Variants in LAG3 observed in about 807,000 individuals in gnomAD.
The protein encoded by LAG3 is lymphocyte activation gene 3 protein.
A neutral mutation model predicts 49.0 loss-of-function variants in LAG3; 29 were observed. That is an observed-to-expected ratio of 0.59 (90% CI 0.44 to 0.81). The LOEUF (loss-of-function observed/expected upper bound fraction) is 0.81. Ranked by LOEUF, LAG3 falls within the 30% of genes least tolerant of loss-of-function variation. The pLI is 0.00. For synonymous variants in LAG3, 320 were observed against 297.3 expected, an observed-to-expected ratio of 1.08 and a Z score of -0.79; for missense variants, 693 against 695.2, an observed-to-expected ratio of 1.00 and a Z score of 0.04.
chr12:6,774,316 G>T (rs1407579305), intron 3 of LAG3, among the ~76,000 whole-genome samples: 2 of 152,212 alleles, frequency 1.3e-5, no homozygotes, highest in Admixed American at 1.3e-4. Flanking sequence ...TAGCTCAGGG[G>T]GTGGGCTTCG....
At chr12:6,776,082 T>A (rs1941905767) in intron 5 of LAG3, among the ~76,000 whole-genome samples, 1 of 152,208 alleles carries the variant, frequency 6.6e-6, no homozygotes, top group Non-Finnish European at 1.5e-5. Flanking sequence ...AGATTAGCCA[T>A]GTCTGCAGCA....
chr12:6,773,238 G>A lies in LAG3; in HGVS notation c.105G>A (p.Gln35=). The A allele has an allele frequency of 6.2e-7, 1 of 1,612,826 alleles. No individual in the cohort carries two copies. Among genetic ancestry groups the A allele is most frequent in the Non-Finnish European group, 8.5e-7 (1 of 1,179,526 alleles). Residue 35 remains glutamine, a synonymous_variant, in exon 2 of 8, where the codon CAG becomes CAA. Transcript: ENST00000203629. The surrounding 1 kb of genome is among the most constrained non-coding windows in gnomAD (Gnocchi z 5.5). ...CTGAGGTCCCGGTGGTGTGGGCCCA[G>A]GAGGGGGCTCCTGCCCAGCTCCCCT... The part of the protein sequence containing the change: ...PGAEVPVVWA[Q]EGAPAQLPCS...
At position 6,775,397 on chromosome 12, in the gene LAG3, G is replaced by A. The variant is rs1054237980; in HGVS notation, c.906G>A (p.Gly302=). ...TCACTGCCAAGTGGACTCCTCCTGG[G>A]GGAGGCCCTGACCTCCTGGTGACTG... ...SFLTAKWTPP[G]GGPDLLVTGD... The change falls in exon 5 of 8, where the codon GGG becomes GGA. Residue 302 remains glycine, a synonymous_variant. Transcript: ENST00000203629. 6.8e-6 allele frequency: 11 copies of A among 1,614,216 alleles called. No individual in the cohort carries two copies. Among genetic ancestry groups the A allele is most frequent in the Middle Eastern group, 1.6e-4 (1 of 6,062 alleles).
Position 6,775,416 on chromosome 12 carries a change from G to A in LAG3, c.925G>A (p.Val309Met). The A allele has an allele frequency of 4.3e-6, 7 of 1,614,214 alleles. No homozygotes were observed. The highest frequency in any genetic ancestry group is 5.9e-6 in the Non-Finnish European group (7 of 1,180,044). Reference sequence around the variant, plus strand: ...TCCTGGGGGAGGCCCTGACCTCCTGGTGACTGGAGACAATGGCGACTTTAC... The same window carrying A: ...TCCTGGGGGAGGCCCTGACCTCCTGATGACTGGAGACAATGGCGACTTTAC... ...TPPGGGPDLL[V>M]TGDNGDFTLR... is the part of the protein sequence containing the mutation. Residue 309 changes from valine (V) to methionine (M), a missense_variant, in exon 5 of 8, where the codon GTG becomes ATG. By Grantham distance (21) the Val-to-Met change is conservative (BLOSUM62 1). Coordinates refer to ENST00000203629, the MANE Select transcript of LAG3 (RefSeq NM_002286.6).
chr12:6,774,402 C>T (rs1017514341), intron 3 of LAG3, among the ~76,000 whole-genome samples, 193 bp from the exon 4 acceptor site: 1 of 152,128 alleles, frequency 6.6e-6, no homozygotes, highest in African/African-American at 2.4e-5. Flanking sequence ...GGAAAGTGGT[C>T]CTGGGGAGTC....
At position 6,773,285 on chromosome 12, in the gene LAG3, A is replaced by G. The variant is rs771582084; in HGVS notation, c.152A>G (p.Gln51Arg). ...QLPCSPTIPL[Q>R]DLSLLRRAGV... Reference sequence around the variant, plus strand: ...CCCTGCAGCCCCACAATCCCCCTCCAGGATCTCAGCCTTCTGCGAAGAGCA... The same window carrying G: ...CCCTGCAGCCCCACAATCCCCCTCCGGGATCTCAGCCTTCTGCGAAGAGCA... The change falls in exon 2 of 8, where the codon CAG (glutamine) becomes CGG (arginine). Residue 51 changes from glutamine (Q) to arginine (R), a missense_variant. Physicochemically the swap from Gln to Arg is conservative, Grantham distance 43. Transcript: ENST00000203629. The surrounding 1 kb of genome is among the most constrained non-coding windows in gnomAD (Gnocchi z 5.5). 1.2e-6 allele frequency: 2 copies of G among 1,613,676 alleles called. No individual in the cohort carries two copies. The highest frequency in any genetic ancestry group is 1.3e-5 in the African/African-American group (1 of 74,904).
Position 6,774,814 on chromosome 12 carries a change from C to A in LAG3, c.731C>A (p.Thr244Asn). 6.2e-7 allele frequency: 1 copy of A among 1,614,150 alleles called. No homozygotes were observed. The highest frequency in any genetic ancestry group is 8.5e-7 in the Non-Finnish European group (1 of 1,180,020). The change falls in exon 4 of 8, where the codon ACC becomes AAC. Residue 244 changes from threonine to asparagine, a missense_variant. Coordinates refer to ENST00000203629, the MANE Select transcript of LAG3 (RefSeq NM_002286.6). ...TCTGGGCCCTGGGGCTGCATCCTCA[C>A]CTACAGAGATGGCTTCAACGTCTCC... ...MDSGPWGCIL[T>N]YRDGFNVSIM... is the part of the protein sequence containing the mutation.
At position 6,775,314 on chromosome 12, in the gene LAG3, G is replaced by A. The variant is rs780074480; in HGVS notation, c.823G>A (p.Gly275Ser). 1.9e-6 allele frequency: 3 copies of A among 1,614,232 alleles called. No homozygotes were observed. Among genetic ancestry groups the A allele is most frequent in the East Asian group, 2.2e-5 (1 of 44,874 alleles). Residue 275 changes from glycine (G) to serine (S), a missense_variant, in exon 5 of 8, where the codon GGT (glycine) becomes AGT (serine). By Grantham distance (56) the Gly-to-Ser change is moderately conservative (BLOSUM62 0). Transcript: ENST00000203629. Reference protein sequence around the residue: ...PTPLTVYAGAGSRVGLPCRLP... With the variant: ...PTPLTVYAGASSRVGLPCRLP... Reference sequence around the variant, plus strand: ...TCCCTTGACAGTGTACGCTGGAGCAGGTTCCAGGGTGGGGCTGCCCTGCCG... The same window carrying A: ...TCCCTTGACAGTGTACGCTGGAGCAAGTTCCAGGGTGGGGCTGCCCTGCCG...
In LAG3 at chr12:6,774,851, C is replaced by A; in HGVS notation, c.768C>A (p.Asn256Lys). The change falls in exon 4 of 8, where the codon AAC becomes AAA. Residue 256 changes from asparagine to lysine, a missense_variant. Transcript: ENST00000203629. The stretch of plus-strand genomic sequence containing the variant: ...GCTTCAACGTCTCCATCATGTATAA[C>A]CTCACTGTTCTGGGTAACTCCCCCA... ...RDGFNVSIMYNLTVLGLEPPT... is the reference protein window; with the variant it reads ...RDGFNVSIMYKLTVLGLEPPT... 2 of 1,613,602 alleles carry A rather than the reference C, an allele frequency of 1.2e-6. No individual in the cohort carries two copies. The highest frequency in any genetic ancestry group is 1.7e-5 in the Admixed American group (1 of 59,984).
Position 6,775,281 on chromosome 12 carries a change from C to T in LAG3, c.790C>T (p.Pro264Ser). ...MYNLTVLGLE[P>S]PTPLTVYAGA... ...TTTTCTTTTCTCTTCAGGTCTGGAG[C>T]CCCCAACTCCCTTGACAGTGTACGC... Residue 264 changes from proline to serine, a missense_variant, in exon 5 of 8, where the codon CCC becomes TCC. Coordinates refer to ENST00000203629, the MANE Select transcript of LAG3 (RefSeq NM_002286.6). The T allele has an allele frequency of 2.5e-6, 4 of 1,612,830 alleles. No individual in the cohort carries two copies. The highest frequency in any genetic ancestry group is 3.4e-6 in the Non-Finnish European group (4 of 1,179,194).
rs1257052020 is a variant in LAG3, at chr12:6,774,657, A to G, written c.574A>G (p.Ser192Gly). Residue 192 changes from serine to glycine, a missense_variant, in exon 4 of 8, where the codon AGC (serine) becomes GGC (glycine). By Grantham distance (56) the Ser-to-Gly change is moderately conservative. Coordinates refer to ENST00000203629, the MANE Select transcript of LAG3 (RefSeq NM_002286.6). ...SDWVILNCSFSRPDRPASVHW... is the reference protein window; with the variant it reads ...SDWVILNCSFGRPDRPASVHW... ...CTGGGTCATTTTGAACTGCTCCTTC[A>G]GCCGCCCTGACCGCCCAGCCTCTGT... 1 of 1,613,986 alleles carries G rather than the reference A, an allele frequency of 6.2e-7. No homozygotes were observed. The highest frequency in any genetic ancestry group is 1.3e-5 in the African/African-American group (1 of 74,906).
chr12:6,772,982 C>G, intron 1 of LAG3, 72 bp downstream of exon 1: 6 of 1,535,468 alleles, frequency 3.9e-6, no homozygotes, highest in Non-Finnish European at 5.4e-6. Context: ...TCTGTGGCCA[C>G]AAAGGTCCTG....
intron 5 of LAG3, 45 bp from the exon 6 acceptor site, chr12:6,777,219 A>G: frequency 6.2e-7 from 1 of 1,611,574 alleles, no homozygotes; most frequent in Non-Finnish European, 8.5e-7. Flanking sequence ...ATATCACGTA[A>G]GGGGGGCAGA....
chr12:6,775,261 T>C lies in LAG3; in HGVS notation c.782-12T>C. On this transcript the variant is annotated splice_polypyrimidine_tract_variant and intron_variant, in intron 4 of 7. Transcript: ENST00000203629. ...CACCCAGCTTTAACTTTGGGTTTTC[T>C]TTTCTCTTCAGGTCTGGAGCCCCCA... 2 of 1,605,772 alleles carry C rather than the reference T, an allele frequency of 1.2e-6. No homozygotes were observed. The highest frequency in any genetic ancestry group is 1.7e-6 in the Non-Finnish European group (2 of 1,175,272).
At position 6,773,192 on chromosome 12, in the gene LAG3, T is replaced by C; in HGVS notation, c.59T>C (p.Val20Ala). ...CTTGGCCTCTCTTTTGCTCACCTAG[T>C]GAAGCCTCTCCAGCCAGGGGCTGAG... The part of the protein sequence containing the change: ...LFLQPLWVAP[V>A]KPLQPGAEVP... Residue 20 changes from valine (V) to alanine (A), a missense_variant and splice_region_variant, in exon 2 of 8, where the codon GTG becomes GCG. Physicochemically the swap from Val to Ala is moderately conservative, Grantham distance 64. Transcript: ENST00000203629. This position sits in a 1 kb window ranked among gnomAD's most constrained non-coding sequence, Gnocchi z 5.5. 6.2e-7 allele frequency: 1 copy of C among 1,610,184 alleles called. No homozygotes were observed. The highest frequency in any genetic ancestry group is 1.7e-5 in the Admixed American group (1 of 58,578).
Position 6,773,667 on chromosome 12 carries a change from C to G in LAG3, c.207-30C>G. On this transcript the variant is annotated intron_variant, in intron 2 of 7. Transcript: ENST00000203629. The surrounding 1 kb of genome is among the most constrained non-coding windows in gnomAD (Gnocchi z 5.5). ...CCTCCCGGGCTTCCTACCCCTGGAG[C>G]TTCTCAACTCCATTCTCTTTCCCGC... 7.3e-7 allele frequency: 1 copy of G among 1,367,710 alleles called. No homozygotes were observed. Among genetic ancestry groups the G allele is most frequent in the Non-Finnish European group, 9.4e-7 (1 of 1,067,966 alleles). 84.7% of individuals were successfully genotyped at this position (1,367,710 alleles called of 1,614,324 possible).
intron 5 of LAG3, 110 bp from the exon 6 acceptor site, chr12:6,777,154 C>A: frequency 7.7e-7 from 1 of 1,306,420 alleles, no homozygotes; most frequent in Non-Finnish European, 1.1e-6. Flanking sequence ...CCCAACCTCC[C>A]CTGGCCAGAA....
intron 3 of LAG3, among the ~76,000 whole-genome samples, 200 bp from the exon 4 acceptor site, chr12:6,774,395 A>G (rs1391672096): frequency 5.3e-5 from 8 of 152,176 alleles, no homozygotes; most frequent in Non-Finnish European, 1.2e-4. Flanking sequence ...GGGACGGGGA[A>G]AGTGGTCCTG....
Position 6,775,273 on chromosome 12 carries a change from G to T in LAG3, c.782G>T (p.Gly261Val). The change falls in exon 5 of 8, where the codon GGT becomes GTT. Residue 261 changes from glycine (G) to valine (V), a missense_variant and splice_region_variant. Transcript: ENST00000203629. ...VSIMYNLTVL[G>V]LEPPTPLTVY... Reference sequence around the variant, plus strand: ...ACTTTGGGTTTTCTTTTCTCTTCAGGTCTGGAGCCCCCAACTCCCTTGACA... The same window carrying T: ...ACTTTGGGTTTTCTTTTCTCTTCAGTTCTGGAGCCCCCAACTCCCTTGACA... 1 of 1,612,544 alleles carries T rather than the reference G, an allele frequency of 6.2e-7. No individual in the cohort carries two copies.
Sources: gnomAD v4.1 joint callset for allele counts (sites outside exome capture counted in the v4.1 genomes callset) on GRCh38, gnomAD v4.1.1 for gene constraint, Gnocchi (gnomAD v3.1) non-coding constraint, MANE v1.5 for transcripts, NCBI Gene and HGNC (gene_info 2026-07-23, HGNC 2026-07-21) for gene names.